GSE1: variants seen among roughly 807,000 people sequenced by gnomAD.
GSE1 encodes the protein genetic suppressor element 1.
Under a neutral mutation model 112.6 loss-of-function variants are expected in GSE1, and 32 were observed. That is an observed-to-expected ratio of 0.28 (90% CI 0.21 to 0.38). GSE1 has a LOEUF of 0.38. Ranked by LOEUF, GSE1 falls within the 10% of genes least tolerant of loss-of-function variation. The pLI is 1.00. For synonymous variants in GSE1, 1,115 were observed against 735.6 expected (o/e 1.52, Z -8.35); for missense variants, 2,348 against 1,699.2 (o/e 1.38, Z -6.71).
chr16:85,299,655 A>T (rs910786356), intron 1 of GSE1, among the ~76,000 whole-genome samples: 4 of 152,332 alleles, frequency 2.6e-5, no homozygotes, highest in Non-Finnish European at 5.9e-5. Context: ...TGGCCAGGCA[A>T]GGTAGCTCAC....
rs141224926 is a variant in GSE1, at chr16:85,598,783, T to C, written c.37+42420T>C. ...TGGCTGTCACCTCTTCCAAAAGTTCTGTCCAGATGGGCTTTGTGGTGCGGC... is the reference window on the plus strand; with the variant it reads ...TGGCTGTCACCTCTTCCAAAAGTTCCGTCCAGATGGGCTTTGTGGTGCGGC... On this transcript the variant is annotated intron_variant, in intron 1 of 2. Transcript: ENST00000635906. Among the ~76,000 whole-genome samples the C allele has an allele frequency of 5.9e-3, 894 of 152,358 alleles. 9 individuals carry two copies. Among genetic ancestry groups the C allele is most frequent in the African/African-American group, 0.02 (850 of 41,594 alleles).
rs186516222 is a variant in GSE1 at position 85,275,552 on chromosome 16, C to T, written c.2284-81911C>T. On this transcript the variant is annotated intron_variant, in intron 1 of 2. Transcript: ENST00000637419. Reference sequence around the variant, plus strand: ...TGGCACCAGTGAAAAGAGAAGATTCCGGAGCTAGCACCCAGCATTTCATAC... The same window carrying T: ...TGGCACCAGTGAAAAGAGAAGATTCTGGAGCTAGCACCCAGCATTTCATAC... Among the ~76,000 whole-genome samples, 76 of 152,312 alleles carry T rather than the reference C, an allele frequency of 5.0e-4. 1 individual carries two copies. Among genetic ancestry groups the T allele is most frequent in the Non-Finnish European group, 7.8e-4 (53 of 68,028 alleles).
chr16:85,451,007 G>T (rs1317205325), intron 2 of GSE1, among the ~76,000 whole-genome samples: 1 of 145,326 alleles, frequency 6.9e-6, no homozygotes, highest in Non-Finnish European at 1.5e-5. Flanking sequence ...CCAGGAAGCA[G>T]AGGTTGCAGT....
chr16:85,511,237 C>G (rs2051734304), intron 2 of GSE1, among the ~76,000 whole-genome samples: 1 of 152,194 alleles, frequency 6.6e-6, no homozygotes, highest in South Asian at 2.1e-4. Flanking sequence ...AAATGCCTCC[C>G]CCCTCCAGGC....
chr16:85,293,841 C>T (rs1005987028), intron 1 of GSE1, among the ~76,000 whole-genome samples: 8 of 152,168 alleles, frequency 5.3e-5, no homozygotes, highest in African/African-American at 1.9e-4. Flanking sequence ...CTACGGAGGA[C>T]ACCAGTCTTT....
chr16:85,523,600 G>A (rs1245031280), intron 2 of GSE1, among the ~76,000 whole-genome samples: 3 of 152,190 alleles, frequency 2.0e-5, no homozygotes, highest in East Asian at 3.9e-4. Flanking sequence ...GGCCCCAGCC[G>A]TGGGGGCTGG....
intron 1 of GSE1, among the ~76,000 whole-genome samples, chr16:85,228,213 A>G (rs181044198): frequency 2.6e-5 from 4 of 152,340 alleles, no homozygotes; most frequent in African/African-American, 7.2e-5. Flanking sequence ...GCAGTGAAAC[A>G]TGAGTCAAGT....
chr16:85,610,929 G>A (rs2047942982), upstream of GSE1, among the ~76,000 whole-genome samples: 1 of 152,238 alleles, frequency 6.6e-6, no homozygotes, highest in Admixed American at 6.5e-5. Flanking sequence ...AAAGCCGAGT[G>A]ATGCACCTCC....
chr16:85,264,677 C>T (rs1482948188), intron 1 of GSE1, among the ~76,000 whole-genome samples: 2 of 152,124 alleles, frequency 1.3e-5, no homozygotes, highest in African/African-American at 4.8e-5. Context: ...TGGTGCTTGT[C>T]GCAGCTCAAG....
intron 2 of GSE1, among the ~76,000 whole-genome samples, chr16:85,420,924 C>G (rs1462684635): frequency 1.3e-5 from 2 of 152,166 alleles, no homozygotes; most frequent in African/African-American, 4.8e-5. Flanking sequence ...GGTGTGAGAC[C>G]GCGCTGTCCT....
At chr16:85,664,065 A>C (rs1424130728) in intron 11 of GSE1, among the ~76,000 whole-genome samples, 2 of 152,262 alleles carry the variant, frequency 1.3e-5, no homozygotes, top group Non-Finnish European at 2.9e-5. Context: ...CACTGAGCAG[A>C]TGGCTTGCCT....
rs184421811 is a variant in GSE1 at position 85,647,127 on chromosome 16, C to G, written c.227-1425C>G. 2.0e-5 allele frequency among the ~76,000 whole-genome samples: 3 copies of G among 152,222 alleles called. No individual in the cohort carries two copies. In the East Asian group the frequency reaches 5.8e-4, roughly 29 times the overall value. Reference sequence around the variant, plus strand: ...TGGGAACACTCCTCCCCGTCCTCCCCGGTCCAAACCCCTGCCGCACCTGCA... The same window carrying G: ...TGGGAACACTCCTCCCCGTCCTCCCGGGTCCAAACCCCTGCCGCACCTGCA... On this transcript the variant is annotated intron_variant, in intron 2 of 15. Coordinates refer to ENST00000253458, the MANE Select transcript of GSE1 (RefSeq NM_014615.5).
intron 1 of GSE1, among the ~76,000 whole-genome samples, chr16:85,294,609 G>A (rs1471441994): frequency 1.7e-5 from 2 of 117,126 alleles, no homozygotes; most frequent in African/African-American, 3.8e-5. Flanking sequence ...TTGCCAGCAC[G>A]CCTCTCACTC....
At chr16:85,410,953 C>CT (rs1567748824) in intron 2 of GSE1, among the ~76,000 whole-genome samples, 3 of 106,892 alleles carry the variant, frequency 2.8e-5, no homozygotes, top group South Asian at 3.2e-4. Flanking sequence ...CTCAGGCCCC[C>CT]GGATAATCCT....
At chr16:85,569,804 C>G (rs1262847543) in intron 1 of GSE1, among the ~76,000 whole-genome samples, 5 of 152,232 alleles carry the variant, frequency 3.3e-5, no homozygotes, top group Non-Finnish European at 7.3e-5. Flanking sequence ...CTGCATCAGG[C>G]CTGTGTGGGC....
chr16:85,515,236 T>C (rs998938842), intron 2 of GSE1, among the ~76,000 whole-genome samples: 3 of 152,118 alleles, frequency 2.0e-5, no homozygotes, highest in African/African-American at 7.2e-5. Flanking sequence ...CCGCCTCACC[T>C]CTGCCCCCAT....
At chr16:85,261,558 A>G (rs1907684111) in intron 1 of GSE1, among the ~76,000 whole-genome samples, 1 of 152,148 alleles carries the variant, frequency 6.6e-6, no homozygotes, top group Admixed American at 6.5e-5. Flanking sequence ...CTCGTGGGAG[A>G]GGCCAGGACA....
chr16:85,634,266 A>G (rs1311390311), intron 2 of GSE1, 134 bp downstream of exon 2: 4 of 635,728 alleles, frequency 6.3e-6, no homozygotes, highest in Non-Finnish European at 9.9e-6. Flanking sequence ...TGGAGCAGGC[A>G]GTGCTGGCTG....
At chr16:85,396,099 A>C (rs1328840933) in intron 2 of GSE1, among the ~76,000 whole-genome samples, 1 of 152,222 alleles carries the variant, frequency 6.6e-6, no homozygotes, top group Non-Finnish European at 1.5e-5. Flanking sequence ...GCCTGTTTCC[A>C]GCCTCAGTCT....
Sources: gnomAD v4.1 joint callset for allele counts (sites outside exome capture counted in the v4.1 genomes callset) on GRCh38, gnomAD v4.1.1 for gene constraint, MANE v1.5 for transcripts, NCBI Gene and HGNC (gene_info 2026-07-23, HGNC 2026-07-21) for gene names.